AKAP6: variants seen among roughly 807,000 people sequenced by gnomAD.
The protein encoded by AKAP6 is A-kinase anchor protein 6.
In AKAP6, 58 loss-of-function variants were observed where a neutral mutation model predicts 188.5. That is an observed-to-expected ratio of 0.31 (90% CI 0.25 to 0.38). The LOEUF (loss-of-function observed/expected upper bound fraction) is 0.38. AKAP6 is among the 10% of genes least tolerant of loss of function. The pLI is 1.00. For missense variants in AKAP6, 2,710 were observed against 2,740.0 expected (o/e 0.99, Z 0.24); for synonymous variants, 989 against 998.6 (o/e 0.99, Z 0.18).
intron 1 of AKAP6, among the ~76,000 whole-genome samples, chr14:32,371,467 C>T (rs746469987): frequency 8.5e-5 from 13 of 152,180 alleles, no homozygotes; most frequent in African/African-American, 1.9e-4. Flanking sequence ...ATTAGCTGGG[C>T]GTGGGGGTGC....
intron 10 of AKAP6, 122 bp downstream of exon 10, chr14:32,732,722 C>A: frequency 8.6e-7 from 1 of 1,156,700 alleles, no homozygotes; most frequent in South Asian, 1.3e-5. Flanking sequence ...ACCTACGTTT[C>A]AAACAAGCTA....
chr14:32,364,102 G>A (rs868042269), intron 1 of AKAP6, among the ~76,000 whole-genome samples: 6 of 152,168 alleles, frequency 3.9e-5, no homozygotes, highest in South Asian at 2.1e-4. Flanking sequence ...CAAGCGTGGC[G>A]TGGTAAGCTG....
chr14:32,655,794 T>A (rs1186560057), intron 7 of AKAP6, among the ~76,000 whole-genome samples: 1 of 152,152 alleles, frequency 6.6e-6, no homozygotes, highest in Non-Finnish European at 1.5e-5. Context: ...AGATAAAATT[T>A]TAAAAGGAGA....
At chr14:32,388,932 C>T (rs563155344) in intron 1 of AKAP6, among the ~76,000 whole-genome samples, 7 of 152,092 alleles carry the variant, frequency 4.6e-5, no homozygotes, top group Non-Finnish European at 1.0e-4. Flanking sequence ...TGATGACTGT[C>T]TAGTGCTGTC....
chr14:32,696,633 A>G (rs2139698778), intron 9 of AKAP6, among the ~76,000 whole-genome samples: 2 of 152,334 alleles, frequency 1.3e-5, no homozygotes, highest in Middle Eastern at 3.4e-3. Flanking sequence ...ATGTGATTTA[A>G]GAAAACTGGC....
At chr14:32,813,030 G>T (rs2300860) in intron 12 of AKAP6, among the ~76,000 whole-genome samples, 130,251 of 151,964 alleles carry the variant, frequency 0.86, 55,884 homozygotes, top group Admixed American at 0.89. Flanking sequence ...ATCCCATACG[G>T]GAAAGGGCTC....
At chr14:32,586,397 G>T (rs1341018228) in intron 5 of AKAP6, among the ~76,000 whole-genome samples, 2 of 152,172 alleles carry the variant, frequency 1.3e-5, no homozygotes, top group African/African-American at 2.4e-5. Flanking sequence ...GGAGGTGGAG[G>T]CAGGGAGATC....
At chr14:32,503,110 A>T (rs1414424766) in intron 2 of AKAP6, among the ~76,000 whole-genome samples, 3 of 152,106 alleles carry the variant, frequency 2.0e-5, no homozygotes, top group African/African-American at 7.2e-5. Context: ...TGTGTTATGA[A>T]ATTTTTTTTT....
chr14:32,748,010 C>A (rs1291442825), intron 11 of AKAP6, among the ~76,000 whole-genome samples: 1 of 152,202 alleles, frequency 6.6e-6, no homozygotes, highest in Non-Finnish European at 1.5e-5. Flanking sequence ...AGAGAGATCT[C>A]ACCCATCTTT....
intron 1 of AKAP6, among the ~76,000 whole-genome samples, chr14:32,388,307 C>T (rs2138575630): frequency 6.6e-6 from 1 of 152,002 alleles, no homozygotes; most frequent in South Asian, 2.1e-4. Flanking sequence ...CTTTTCATTT[C>T]ATTTATCTTT....
At chr14:32,350,873 A>G (rs1214752990) in intron 1 of AKAP6, among the ~76,000 whole-genome samples, 1 of 152,184 alleles carries the variant, frequency 6.6e-6, no homozygotes, top group Non-Finnish European at 1.5e-5. Flanking sequence ...TTCTCTGAGT[A>G]GGAACTCCAA....
intron 7 of AKAP6, among the ~76,000 whole-genome samples, chr14:32,664,176 T>C (rs561643402): frequency 2.0e-5 from 3 of 152,264 alleles, no homozygotes; most frequent in Non-Finnish European, 2.9e-5. Flanking sequence ...TATATTTGTA[T>C]TTTTTAAGTC....
intron 1 of AKAP6, among the ~76,000 whole-genome samples, chr14:32,378,908 T>G (rs1044046869): frequency 3.0e-5 from 4 of 131,878 alleles, no homozygotes; most frequent in Non-Finnish European, 3.1e-5. Context: ...TTCTTTTCTG[T>G]CTTTCTTCCT....
At chr14:32,744,813 G>A (rs2031827798) in intron 11 of AKAP6, among the ~76,000 whole-genome samples, 1 of 151,718 alleles carries the variant, frequency 6.6e-6, no homozygotes, top group Non-Finnish European at 1.5e-5. Context: ...TCCTTTTTCT[G>A]TTGTCTCCTC....
At chr14:32,394,180 C>T (rs572788827) in intron 1 of AKAP6, among the ~76,000 whole-genome samples, 1 of 152,108 alleles carries the variant, frequency 6.6e-6, no homozygotes, top group Non-Finnish European at 1.5e-5. Flanking sequence ...TTTGGTAGTT[C>T]TCTTTCAGGA....
At chr14:32,538,184 T>C (rs929345150) in intron 3 of AKAP6, among the ~76,000 whole-genome samples, 31 of 152,232 alleles carry the variant, frequency 2.0e-4, no homozygotes, top group Non-Finnish European at 3.7e-4. Context: ...TCTATGAGGA[T>C]GTTTAAAAGA....
At chr14:32,486,274 G>A (rs1280879850) in intron 2 of AKAP6, among the ~76,000 whole-genome samples, 2 of 103,956 alleles carry the variant, frequency 1.9e-5, no homozygotes, top group Admixed American at 2.1e-4. Flanking sequence ...TGTTCTTTTT[G>A]CTTAGGATTG....
At chr14:32,792,193 T>A (rs972705084) in intron 12 of AKAP6, among the ~76,000 whole-genome samples, 2 of 152,206 alleles carry the variant, frequency 1.3e-5, no homozygotes, top group Non-Finnish European at 2.9e-5. Context: ...TAGCATTGAA[T>A]CTGTAAATTA....
intron 9 of AKAP6, among the ~76,000 whole-genome samples, chr14:32,731,403 A>G (rs977699331): frequency 6.6e-6 from 1 of 152,114 alleles, no homozygotes. Context: ...TTATTGATTT[A>G]TTTATTTGCC....
Sources: gnomAD v4.1 joint callset for allele counts (sites outside exome capture counted in the v4.1 genomes callset) on GRCh38, gnomAD v4.1.1 for gene constraint, MANE v1.5 for transcripts, NCBI Gene and HGNC (gene_info 2026-07-23, HGNC 2026-07-21) for gene names.